Variants in NRXN3 observed in about 807,000 individuals in gnomAD.
NRXN3 encodes neurexin 3, also known as neurexin III.
A neutral mutation model predicts 137.6 loss-of-function variants in NRXN3; 32 were observed. That is an observed-to-expected ratio of 0.23 (90% CI 0.18 to 0.31). The LOEUF (loss-of-function observed/expected upper bound fraction) is 0.31, where lower values mean the gene tolerates loss of function less well. NRXN3 is among the 10% of genes least tolerant of loss of function. The probability of loss-of-function intolerance (pLI) is 1.00; values close to 1 mark genes in which losing one functional copy is unlikely to be tolerated. For synonymous variants in NRXN3, 798 were observed against 784.5 expected (o/e 1.02, Z -0.29); for missense variants, 1,574 against 2,062.5 (o/e 0.76, Z 4.59).
chr14:78,931,957 G>A (rs1381054347), intron 10 of NRXN3, among the ~76,000 whole-genome samples: 1 of 152,052 alleles, frequency 6.6e-6, no homozygotes, highest in Non-Finnish European at 1.5e-5. Context: ...GACCAGTCCG[G>A]CCAACGTGGC....
chr14:78,576,583 T>G (rs1027137886), intron 4 of NRXN3, among the ~76,000 whole-genome samples: 2 of 152,174 alleles, frequency 1.3e-5, no homozygotes, highest in African/African-American at 4.8e-5. Context: ...TCCAGCAGGC[T>G]GGCCCTAGCC....
At chr14:78,733,935 T>C (rs75552141) in intron 8 of NRXN3, among the ~76,000 whole-genome samples, 2,168 of 152,298 alleles carry the variant, frequency 0.014, 20 homozygotes, top group Non-Finnish European at 0.02. Context: ...GGATTGAACA[T>C]GAAGTCTATT....
At chr14:79,196,574 GAC>G (rs143348347) in intron 15 of NRXN3, among the ~76,000 whole-genome samples, 5,263 of 152,156 alleles carry the variant, frequency 0.035, 227 homozygotes, top group East Asian at 0.21. Context: ...CACTCTGGGG[GAC>G]ACATTCGAAC....
chr14:78,234,163 C>T (rs2065858439), intron 1 of NRXN3, among the ~76,000 whole-genome samples: 1 of 152,190 alleles, frequency 6.6e-6, no homozygotes, highest in Non-Finnish European at 1.5e-5. Flanking sequence ...TGAGGCTTCT[C>T]CAGCCATGAG....
At chr14:78,506,643 G>GT (rs71131653) in intron 4 of NRXN3, among the ~76,000 whole-genome samples, 5,726 of 104,648 alleles carry the variant, frequency 0.055, 881 homozygotes, top group Non-Finnish European at 0.077. Flanking sequence ...TCTCATTGTA[G>GT]TTTTTTTTTT....
At chr14:78,184,056 AAT>A (rs1184473325) in intron 1 of NRXN3, among the ~76,000 whole-genome samples, 4 of 152,210 alleles carry the variant, frequency 2.6e-5, no homozygotes, top group Admixed American at 1.3e-4. Flanking sequence ...ATTACAAAAT[AAT>A]ATATGTTTGT....
intron 4 of NRXN3, among the ~76,000 whole-genome samples, chr14:78,526,216 G>A (rs1365202312): frequency 1.3e-5 from 2 of 152,218 alleles, no homozygotes; most frequent in Non-Finnish European, 2.9e-5. Flanking sequence ...CAGAAAAATA[G>A]GCTGATACGA....
At chr14:79,517,647 G>A (rs1234063687) in intron 16 of NRXN3, among the ~76,000 whole-genome samples, 3 of 140,328 alleles carry the variant, frequency 2.1e-5, no homozygotes, top group East Asian at 2.0e-4. Flanking sequence ...AGGACGTGAG[G>A]TATTGATACA....
At chr14:79,778,316 T>A (rs1019570981) in intron 19 of NRXN3, among the ~76,000 whole-genome samples, 18 of 152,154 alleles carry the variant, frequency 1.2e-4, no homozygotes, top group African/African-American at 4.3e-4. Flanking sequence ...CTCAGGAGGC[T>A]GAGGCAGGAG....
intron 16 of NRXN3, among the ~76,000 whole-genome samples, chr14:79,578,549 C>T (rs1477341231): frequency 6.6e-6 from 1 of 152,154 alleles, no homozygotes; most frequent in South Asian, 2.1e-4. Context: ...GATATTCTGG[C>T]ATGGCAGCAC....
chr14:78,551,527 C>T (rs1428348074), intron 4 of NRXN3, among the ~76,000 whole-genome samples: 1 of 151,728 alleles, frequency 6.6e-6, no homozygotes, highest in African/African-American at 2.4e-5. Flanking sequence ...CCCTTTCTCC[C>T]CCCTTCTCTA....
At chr14:79,162,994 C>T (rs1050787346) in intron 15 of NRXN3, among the ~76,000 whole-genome samples, 7 of 151,100 alleles carry the variant, frequency 4.6e-5, no homozygotes, top group Non-Finnish European at 8.9e-5. Flanking sequence ...TCCTTTTTTT[C>T]TTCTCTCTGT....
At chr14:79,812,583 T>C (rs1045961069) in intron 20 of NRXN3, among the ~76,000 whole-genome samples, 2 of 152,198 alleles carry the variant, frequency 1.3e-5, no homozygotes, top group Admixed American at 6.5e-5. Context: ...CATTCTTCTG[T>C]ATTTTAGTTT....
At chr14:78,619,734 A>G (rs1297841399) in intron 4 of NRXN3, among the ~76,000 whole-genome samples, 1 of 151,868 alleles carries the variant, frequency 6.6e-6, no homozygotes, top group Non-Finnish European at 1.5e-5. Context: ...ATGATTGTAA[A>G]TTTCCTGAGG....
At chr14:78,263,677 G>A (rs934852248) in intron 2 of NRXN3, among the ~76,000 whole-genome samples, 6 of 151,938 alleles carry the variant, frequency 3.9e-5, no homozygotes, top group Non-Finnish European at 5.9e-5. Flanking sequence ...GTTATTTTTC[G>A]TGTGCCTATC....
intron 15 of NRXN3, among the ~76,000 whole-genome samples, chr14:79,431,992 A>G (rs565972624): frequency 9.5e-4 from 144 of 152,216 alleles, no homozygotes; most frequent in African/African-American, 3.4e-3. Context: ...CATGTAGCCA[A>G]TGTTATACTT....
intron 15 of NRXN3, among the ~76,000 whole-genome samples, chr14:79,052,335 A>G (rs886345116): frequency 5.9e-5 from 9 of 152,220 alleles, no homozygotes; most frequent in Non-Finnish European, 1.2e-4. Flanking sequence ...ATAAGCCTTG[A>G]GCTAGGAAAC....
At chr14:78,935,264 G>T (rs2099332957) in intron 10 of NRXN3, among the ~76,000 whole-genome samples, 1 of 152,110 alleles carries the variant, frequency 6.6e-6, no homozygotes, top group African/African-American at 2.4e-5. Flanking sequence ...GACTCAAAGG[G>T]CTGTGGATAT....
intron 6 of NRXN3, 36 bp downstream of exon 6, chr14:78,651,362 G>T: frequency 6.3e-7 from 1 of 1,599,886 alleles, no homozygotes; most frequent in South Asian, 1.1e-5. Context: ...TGCACCATGT[G>T]ATTGTTTCAT....
Sources: gnomAD v4.1 joint callset for allele counts (sites outside exome capture counted in the v4.1 genomes callset) on GRCh38, gnomAD v4.1.1 for gene constraint, MANE v1.5 for transcripts, NCBI Gene and HGNC (gene_info 2026-07-23, HGNC 2026-07-21) for gene names.